Variants in ZIC4 observed in about 807,000 individuals in gnomAD.
ZIC4 encodes the protein zinc finger protein ZIC 4.
In ZIC4, 15 loss-of-function variants were observed where a neutral mutation model predicts 28.8. That is an observed-to-expected ratio of 0.52 (90% confidence interval 0.35 to 0.80). ZIC4 has a LOEUF of 0.80. ZIC4 is among the 30% of genes least tolerant of loss of function. The pLI is 0.01. For synonymous variants in ZIC4, 220 were observed against 198.1 expected (o/e 1.11, Z -0.93); for missense variants, 512 against 467.1 (o/e 1.10, Z -0.89).
At chr3:147,403,071 TTTG>T (rs1286017461) in intron 1 of ZIC4, among the ~76,000 whole-genome samples, 1 of 152,136 alleles carries the variant, frequency 6.6e-6, no homozygotes, top group Non-Finnish European at 1.5e-5. Flanking sequence ...TTGAAACTCC[TTTG>T]TTGTTTTTTG....
At chr3:147,399,233 C>T (rs756089401) in intron 2 of ZIC4, among the ~76,000 whole-genome samples, 5 of 152,172 alleles carry the variant, frequency 3.3e-5, no homozygotes, top group Non-Finnish European at 7.3e-5. Flanking sequence ...TGGTTTACTC[C>T]TCCACCAACA....
chr3:147,405,577 AG>A, intron 1 of ZIC4: 1 of 1,194,488 alleles, frequency 8.4e-7, no homozygotes, highest in Non-Finnish European at 1.2e-6. Context: ...CCCTGGGTCT[AG>A]GCTAGGGGCC....
intron 4 of ZIC4, among the ~76,000 whole-genome samples, 183 bp downstream of exon 4, chr3:147,390,748 C>T (rs1002589360): frequency 2.0e-5 from 3 of 152,212 alleles, no homozygotes; most frequent in African/African-American, 7.2e-5. Context: ...TTCCTTCCGC[C>T]CTCGCCCTCT....
intron 2 of ZIC4, among the ~76,000 whole-genome samples, chr3:147,402,289 A>G (rs190452237): frequency 4.9e-4 from 75 of 152,326 alleles, no homozygotes; most frequent in Admixed American, 4.3e-3. Context: ...GATGATGTAT[A>G]TCATGTAAAC....
rs774488083 is a variant in ZIC4, at chr3:147,396,445, G to A, written c.95C>T (p.Pro32Leu). 1 of 1,519,716 alleles carries A rather than the reference G, an allele frequency of 6.6e-7. No individual in the cohort carries two copies. Among genetic ancestry groups the A allele is most frequent in the Non-Finnish European group, 8.8e-7 (1 of 1,137,944 alleles). The allele number at this position is 1,519,716 out of a possible 1,614,324, so 94.1% of individuals were successfully genotyped here. The change falls in exon 3 of 5, where the codon CCC becomes CTC. Residue 32 changes from proline to leucine, a missense_variant. Pro to Leu is a moderately conservative substitution (Grantham distance 98). Coordinates refer to ENST00000383075, the MANE Select transcript of ZIC4 (RefSeq NM_032153.6). The surrounding 1 kb of genome is among the most constrained non-coding windows in gnomAD (Gnocchi z 4.2). ...ESSSSSGHHG[P>L]QLTAASSPSV... Reference sequence around the variant, plus strand: ...GGGGCTGGAGGCGGCGGTGAGCTGGGGGCCATGGTGTCCAGAGCTGCTACC... The same window carrying A: ...GGGGCTGGAGGCGGCGGTGAGCTGGAGGCCATGGTGTCCAGAGCTGCTACC...
rs2086827395 is a variant in ZIC4, at chr3:147,388,056, C to T, written c.*803G>A. On this transcript the variant is annotated 3_prime_UTR_variant, in exon 5 of 5. Transcript: ENST00000383075. ...CTCCTCCCTTTCCTGAAAGTGTCCCCTGCGCCAAAGCCTCCCACATCAGGG... is the reference window on the plus strand; with the variant it reads ...CTCCTCCCTTTCCTGAAAGTGTCCCTTGCGCCAAAGCCTCCCACATCAGGG... 2.0e-5 allele frequency: 3 copies of T among 152,632 alleles called. No homozygotes were observed. Among genetic ancestry groups the T allele is most frequent in the Admixed American group, 1.3e-4 (2 of 15,278 alleles). 9.5% of individuals were successfully genotyped at this position (152,632 alleles called of 1,614,324 possible).
intron 3 of ZIC4, chr3:147,393,666 T>C (rs989268863): frequency 3.4e-6 from 1 of 294,342 alleles, no homozygotes; most frequent in Non-Finnish European, 6.7e-6. Flanking sequence ...TGGCTGGATC[T>C]GGTTGTCCCG....
At chr3:147,393,375 C>G (rs888725731) in intron 3 of ZIC4, 1 of 154,040 alleles carries the variant, frequency 6.5e-6, no homozygotes, top group Non-Finnish European at 1.4e-5. Context: ...TTGACATCAC[C>G]CCCGCCCCCC....
At chr3:147,389,172 C>T (rs2086856376) in intron 4 of ZIC4, 1 of 420,740 alleles carries the variant, frequency 2.4e-6, no homozygotes, top group East Asian at 3.8e-5. Flanking sequence ...ATTTCAGTCC[C>T]CCTTTCTCAA....
At chr3:147,394,115 TCC>T (rs1296526733) in intron 3 of ZIC4, among the ~76,000 whole-genome samples, 8 of 142,734 alleles carry the variant, frequency 5.6e-5, no homozygotes, top group East Asian at 4.1e-4. Context: ...ATATTTTTTT[TCC>T]CTCTCTCTCT....
chr3:147,403,561 C>A (rs969775259), intron 1 of ZIC4: 1 of 160,552 alleles, frequency 6.2e-6, no homozygotes, highest in Admixed American at 6.3e-5. Flanking sequence ...CCATTGGCCG[C>A]CTTAAATACT....
chr3:147,404,291 G>T lies in ZIC4; in HGVS notation c.-15-1479C>A, dbSNP rs533275052. On this transcript the variant is annotated intron_variant, in intron 1 of 4. Transcript: ENST00000383075. ...GAGGTCTGGATCACTTCTCTCCCAGGTCCTGTCAGCCTTTTGTGCACTACA... is the reference window on the plus strand; with the variant it reads ...GAGGTCTGGATCACTTCTCTCCCAGTTCCTGTCAGCCTTTTGTGCACTACA... The T allele has an allele frequency of 2.8e-6, 4 of 1,416,876 alleles. No homozygotes were observed. In the South Asian group the frequency reaches 6.2e-5, roughly 22 times the overall value. 87.8% of individuals were successfully genotyped at this position (1,416,876 alleles called of 1,614,324 possible). A position where few individuals can be genotyped will look rare whatever the true frequency, so the allele number is the denominator to read the frequency against.
chr3:147,393,991 C>A (rs1300128029), intron 3 of ZIC4: 3 of 455,460 alleles, frequency 6.6e-6, no homozygotes, highest in Non-Finnish European at 1.3e-5. Flanking sequence ...TTTGCCGCTT[C>A]TGCTACTCGA....
rs1335594303 is a variant in ZIC4 at position 147,396,114 on chromosome 3, G to A, written c.426C>T (p.Ser142=). The A allele has an allele frequency of 2.5e-6, 4 of 1,614,128 alleles. No homozygotes were observed. Among genetic ancestry groups the A allele is most frequent in the Non-Finnish European group, 3.4e-6 (4 of 1,180,036 alleles). The change falls in exon 3 of 5, where the codon AGC becomes AGT. Residue 142 remains serine (S), a synonymous_variant. Transcript: ENST00000383075. This position sits in a 1 kb window ranked among gnomAD's most constrained non-coding sequence, Gnocchi z 4.2. ...TGGTGCTGAAAGTTTTGGAGCAGAG[G>A]CTCGGGGTCGCGGTGCCGTCGGCCG... ...WLAADGTATP[S]LCSKTFSTMH... is the part of the protein sequence containing the mutation.
chr3:147,401,405 C>T (rs1026927649), intron 2 of ZIC4, among the ~76,000 whole-genome samples: 1 of 152,094 alleles, frequency 6.6e-6, no homozygotes, highest in Non-Finnish European at 1.5e-5. Flanking sequence ...TAAGTTATGC[C>T]CAGATCAGGA....
In ZIC4 at chr3:147,396,398, C is replaced by T. The variant is rs1433230196; in HGVS notation, c.142G>A (p.Glu48Lys). ...SSPSVFPGLH[E>K]EPPQASPSRP... ...CTGGGGGAGGCCTGGGGAGGCTCCT[C>T]GTGGAGGCCCGGGAACACCGAGGGG... The change falls in exon 3 of 5, where the codon GAG becomes AAG. Residue 48 changes from glutamate to lysine, a missense_variant. Physicochemically the swap from Glu to Lys is moderately conservative, Grantham distance 56. This residue lies in a region of ZIC4 where 310 missense variants were observed against 256.5 expected (regional missense o/e 1.21). Transcript: ENST00000383075. The surrounding 1 kb of genome is among the most constrained non-coding windows in gnomAD (Gnocchi z 4.2). 2.6e-6 allele frequency: 4 copies of T among 1,526,420 alleles called. No homozygotes were observed. The highest frequency in any genetic ancestry group is 2.3e-5 in the East Asian group (1 of 44,252). 94.6% of individuals were successfully genotyped at this position (1,526,420 alleles called of 1,614,324 possible).
At chr3:147,404,994 G>T (rs2087245784) in intron 1 of ZIC4, among the ~76,000 whole-genome samples, 1 of 152,216 alleles carries the variant, frequency 6.6e-6, no homozygotes. Flanking sequence ...GGAGCTCTGA[G>T]CCAGAGAGGA....
At position 147,386,993 on chromosome 3, in the gene ZIC4, T is replaced by C. The variant is rs1440913227; in HGVS notation, c.*1866A>G. 3 of 152,216 alleles carry C rather than the reference T, an allele frequency of 2.0e-5. No individual in the cohort carries two copies. Among genetic ancestry groups the C allele is most frequent in the African/African-American group, 7.2e-5 (3 of 41,450 alleles). The allele number at this position is 152,216 out of a possible 1,614,324, so 9.4% of individuals were successfully genotyped here. A position where few individuals can be genotyped will look rare whatever the true frequency, so the allele number is the denominator to read the frequency against. On this transcript the variant is annotated 3_prime_UTR_variant, in exon 5 of 5. Coordinates refer to ENST00000383075, the MANE Select transcript of ZIC4 (RefSeq NM_032153.6). ...TTCCAAGGATCCTGGGCAAGAATAT[T>C]AGGAGCCTGAGGGGTACCCAAAGGA...
rs1237879854 is a variant in ZIC4 at position 147,388,002 on chromosome 3, G to A, written c.*857C>T. 1 of 152,474 alleles carries A rather than the reference G, an allele frequency of 6.6e-6. No individual in the cohort carries two copies. Among genetic ancestry groups the A allele is most frequent in the Non-Finnish European group, 1.5e-5 (1 of 68,052 alleles). The allele number at this position is 152,474 out of a possible 1,614,324, so 9.4% of individuals were successfully genotyped here. On this transcript the variant is annotated 3_prime_UTR_variant, in exon 5 of 5. Transcript: ENST00000383075. ...CTCCTGATCCTGGAGCCTCTTTGGG[G>A]TGCAGTCAAGATGCACAGAGTCCTT... is the stretch of plus-strand genomic sequence containing the variant.
Sources: allele counts gnomAD v4.1 joint callset (sites outside exome capture counted in the v4.1 genomes callset), GRCh38; gene constraint gnomAD v4.1.1; regional missense constraint gnomAD v4.1.1; non-coding constraint Gnocchi (gnomAD v3.1); transcripts MANE v1.5; gene names NCBI Gene and HGNC (gene_info 2026-07-23, HGNC 2026-07-21).